Variants in PCDHA5 observed in about 807,000 individuals in gnomAD.
PCDHA5 encodes protocadherin alpha-5.
A neutral mutation model predicts 61.6 loss-of-function variants in PCDHA5; 43 were observed. The ratio of observed to expected loss-of-function variants is 0.70; its 90% confidence interval spans 0.55 to 0.90. PCDHA5 has a LOEUF of 0.90. Ranked by LOEUF, PCDHA5 falls within the 40% of genes least tolerant of loss-of-function variation. The probability of loss-of-function intolerance (pLI) is 0.00; values close to 1 mark genes in which losing one functional copy is unlikely to be tolerated. For synonymous variants in PCDHA5, 627 were observed against 543.9 expected (o/e 1.15, Z -2.13); for missense variants, 1,298 against 1,222.7 (o/e 1.06, Z -0.92).
At chr5:140,903,470 C>T (rs1425928113) in intron 1 of PCDHA5, among the ~76,000 whole-genome samples, 2 of 152,140 alleles carry the variant, frequency 1.3e-5, no homozygotes, top group Non-Finnish European at 2.9e-5. Context: ...AATATTATTC[C>T]TTGCATTATA....
chr5:140,892,910 C>T (rs1206176408), intron 1 of PCDHA5, among the ~76,000 whole-genome samples: 1 of 152,164 alleles, frequency 6.6e-6, no homozygotes, highest in Non-Finnish European at 1.5e-5. Context: ...TCCTCCTTTT[C>T]CTTCACCCTT....
chr5:140,856,271 G>T lies in PCDHA5; in HGVS notation c.2352+32144G>T, dbSNP rs782472888. On this transcript the variant is annotated intron_variant, in intron 1 of 3. Coordinates refer to ENST00000529859, the MANE Select transcript of PCDHA5 (RefSeq NM_018908.3). ...GTCCAAAAGACACGGGGACCTTCTG[G>T]AGGTAAATCTGCAGAATGGCATTTT... 7 of 1,598,148 alleles carry T rather than the reference G, an allele frequency of 4.4e-6. 1 individual carries two copies. The highest frequency in any genetic ancestry group is 6.0e-6 in the Non-Finnish European group (7 of 1,167,948).
intron 1 of PCDHA5, among the ~76,000 whole-genome samples, chr5:140,974,906 T>G (rs1197306976): frequency 6.6e-6 from 1 of 152,182 alleles, no homozygotes; most frequent in Non-Finnish European, 1.5e-5. Flanking sequence ...TTGTAACAAA[T>G]TACCACAAGT....
At chr5:141,003,181 C>T (rs564008062) in intron 3 of PCDHA5, among the ~76,000 whole-genome samples, 8 of 152,328 alleles carry the variant, frequency 5.3e-5, no homozygotes, top group African/African-American at 1.7e-4. Flanking sequence ...AGGCTCAACT[C>T]CATCAACTCA....
At chr5:140,909,472 G>A (rs2074524054) in intron 1 of PCDHA5, among the ~76,000 whole-genome samples, 1 of 152,168 alleles carries the variant, frequency 6.6e-6, no homozygotes, top group South Asian at 2.1e-4. Context: ...CTTCTTCACA[G>A]GCTAAATAGG....
At chr5:140,940,372 AGTT>A (rs2092600737) in intron 1 of PCDHA5, among the ~76,000 whole-genome samples, 1 of 151,970 alleles carries the variant, frequency 6.6e-6, no homozygotes, top group Non-Finnish European at 1.5e-5. Flanking sequence ...GTATTCCTTG[AGTT>A]GTTAATTTTG....
chr5:140,857,650 G>T, intron 1 of PCDHA5: 1 of 1,596,744 alleles, frequency 6.3e-7, no homozygotes, highest in East Asian at 2.2e-5. Flanking sequence ...AGTTCCAGGT[G>T]AGCGCGCGCG....
chr5:140,967,114 C>T (rs782407413), intron 1 of PCDHA5: 17 of 1,612,932 alleles, frequency 1.1e-5, no homozygotes, highest in Non-Finnish European at 1.4e-5. Flanking sequence ...AGCGGCCTCG[C>T]TGCCTGCTCA....
intron 1 of PCDHA5, chr5:140,884,678 A>T (rs781881057): frequency 1.0e-5 from 16 of 1,553,210 alleles, no homozygotes; most frequent in South Asian, 4.9e-5. Context: ...CTTATATTTT[A>T]AAAAATTGTC....
At chr5:140,917,037 GCA>G (rs2077840325) in intron 1 of PCDHA5, among the ~76,000 whole-genome samples, 1 of 152,268 alleles carries the variant, frequency 6.6e-6, no homozygotes, top group African/African-American at 2.4e-5. Context: ...GCTGAGTCCA[GCA>G]CAGTGTTGTT....
chr5:140,972,829 A>G (rs1554234573), intron 1 of PCDHA5, among the ~76,000 whole-genome samples: 1 of 151,808 alleles, frequency 6.6e-6, no homozygotes, highest in Non-Finnish European at 1.5e-5. Flanking sequence ...ACGCCTGGCT[A>G]ATTTTTGTAT....
At chr5:140,885,930 AT>A (rs1188534786) in intron 1 of PCDHA5, among the ~76,000 whole-genome samples, 9 of 152,222 alleles carry the variant, frequency 5.9e-5, no homozygotes, top group Admixed American at 5.9e-4. Context: ...CTGTTTATCT[AT>A]TTTTTGACAT....
intron 3 of PCDHA5, among the ~76,000 whole-genome samples, chr5:141,003,916 A>C (rs1176586597): frequency 3.9e-5 from 6 of 152,150 alleles, no homozygotes; most frequent in African/African-American, 1.4e-4. Context: ...TCTTGACTGC[A>C]TCCTCAGTCT....
Position 140,822,707 on chromosome 5 carries a change from A to G in PCDHA5, c.932A>G (p.Asp311Gly), listed in dbSNP as rs2150118718. ...IKVNGELDYE[D>G]YNSYEINIDA... The stretch of plus-strand genomic sequence containing the variant: ...GTTAACGGGGAACTGGATTATGAAG[A>G]CTATAACTCATATGAAATTAATATT... The change falls in exon 1 of 4, where the codon GAC becomes GGC. Residue 311 changes from aspartate to glycine, a missense_variant. Transcript: ENST00000529859. The G allele has an allele frequency of 1.2e-6, 2 of 1,610,668 alleles. No homozygotes were observed. Among genetic ancestry groups the G allele is most frequent in the South Asian group, 1.1e-5 (1 of 91,006 alleles).
At chr5:140,932,375 G>A (rs192897336) in intron 1 of PCDHA5, among the ~76,000 whole-genome samples, 31 of 151,942 alleles carry the variant, frequency 2.0e-4, no homozygotes, top group Non-Finnish European at 3.0e-5. Context: ...ATTTCCACAT[G>A]AAAGTTATAC....
intron 1 of PCDHA5, among the ~76,000 whole-genome samples, chr5:140,923,177 A>G (rs1325033307): frequency 2.0e-5 from 3 of 152,174 alleles, no homozygotes; most frequent in African/African-American, 7.2e-5. Context: ...TTTTGTTCAG[A>G]TGCATCTACT....
intron 1 of PCDHA5, among the ~76,000 whole-genome samples, chr5:140,913,735 G>A (rs1416656981): frequency 6.6e-6 from 1 of 151,834 alleles, no homozygotes; most frequent in Non-Finnish European, 1.5e-5. Context: ...CCCTCTAATA[G>A]TACTCCTTTT....
At chr5:140,991,277 C>G (rs1210642530) in intron 3 of PCDHA5, among the ~76,000 whole-genome samples, 1 of 152,148 alleles carries the variant, frequency 6.6e-6, no homozygotes, top group African/African-American at 2.4e-5. Flanking sequence ...CTGCTGAACT[C>G]TATACACTTA....
At chr5:141,005,956 A>G (rs1272905916) in intron 3 of PCDHA5, among the ~76,000 whole-genome samples, 2 of 152,020 alleles carry the variant, frequency 1.3e-5, no homozygotes, top group Admixed American at 1.3e-4. Flanking sequence ...CTAACAAACA[A>G]CAATAAAAAA....
Sources: allele counts gnomAD v4.1 joint callset (sites outside exome capture counted in the v4.1 genomes callset), GRCh38; gene constraint gnomAD v4.1.1; transcripts MANE v1.5; gene names NCBI Gene and HGNC (gene_info 2026-07-23, HGNC 2026-07-21).